The following GNAL variants were observed in gnomAD, a reference collection of about 807,000 sequenced individuals.
GNAL encodes guanine nucleotide-binding protein G(olf) subunit alpha.
Under a neutral mutation model 55.1 loss-of-function variants are expected in GNAL, and 18 were observed. The ratio of observed to expected loss-of-function variants is 0.33; its 90% CI spans 0.23 to 0.48. The LOEUF (loss-of-function observed/expected upper bound fraction) is 0.48. Among genes scored for constraint, GNAL ranks in the 20% least tolerant of loss-of-function variants. GNAL has a pLI of 0.99. For missense variants in GNAL, 412 were observed against 614.1 expected, an observed-to-expected ratio of 0.67 and a Z score of 3.48; for synonymous variants, 253 against 237.0, an observed-to-expected ratio of 1.07 and a Z score of -0.62.
intron 5 of GNAL, among the ~76,000 whole-genome samples, chr18:11,836,677 CA>C (rs1355208957): frequency 6.6e-6 from 1 of 152,158 alleles, no homozygotes; most frequent in African/African-American, 2.4e-5. Context: ...TAAGACTACA[CA>C]ATACCAACTA....
At chr18:11,821,159 G>A (rs977806338) in intron 4 of GNAL, among the ~76,000 whole-genome samples, 4 of 152,156 alleles carry the variant, frequency 2.6e-5, no homozygotes, top group African/African-American at 9.7e-5. Flanking sequence ...CAGACCTGTG[G>A]GAATCCTCAT....
chr18:11,695,367 C>T (rs757554082), intron 1 of GNAL, among the ~76,000 whole-genome samples: 130 of 152,202 alleles, frequency 8.5e-4, no homozygotes, highest in Non-Finnish European at 1.4e-3. Flanking sequence ...ACTAGGCTTT[C>T]GGGGCTCACG....
intron 5 of GNAL, among the ~76,000 whole-genome samples, chr18:11,832,035 C>G (rs1015628856): frequency 6.6e-6 from 1 of 152,180 alleles, no homozygotes; most frequent in South Asian, 2.1e-4. Flanking sequence ...TTTCCCAGTT[C>G]CTACTGTGAA....
At chr18:11,720,282 T>A (rs1325158867) in intron 1 of GNAL, among the ~76,000 whole-genome samples, 1 of 152,248 alleles carries the variant, frequency 6.6e-6, no homozygotes, top group African/African-American at 2.4e-5. Context: ...ACCAAATTTT[T>A]ATTAATGAAA....
chr18:11,760,582 G>A (rs1016994811), intron 4 of GNAL, among the ~76,000 whole-genome samples: 1 of 152,110 alleles, frequency 6.6e-6, no homozygotes, highest in African/African-American at 2.4e-5. Flanking sequence ...CCCACTTAAG[G>A]TCTCACTGCC....
chr18:11,808,662 G>A (rs969175727), intron 4 of GNAL, among the ~76,000 whole-genome samples: 8 of 152,114 alleles, frequency 5.3e-5, no homozygotes, highest in South Asian at 2.1e-4. Flanking sequence ...GTATCCAAAC[G>A]GAATGAAAAC....
intron 1 of GNAL, among the ~76,000 whole-genome samples, chr18:11,725,176 G>A (rs566036223): frequency 2.0e-5 from 3 of 152,172 alleles, no homozygotes; most frequent in African/African-American, 7.2e-5. Flanking sequence ...GTCCTAACCC[G>A]CAGCCTCTCA....
In GNAL at chr18:11,753,685, A is replaced by G; in HGVS notation, c.504+3A>G. ...AAAATGTTAAAGATGCTATCGTGGT[A>G]AGGACTTTTTTAAATGATTGTTTAC... On this transcript the variant is annotated splice_donor_region_variant and intron_variant, in intron 3 of 11. Transcript: ENST00000334049. 6.3e-7 allele frequency: 1 copy of G among 1,588,234 alleles called. No individual in the cohort carries two copies. The highest frequency in any genetic ancestry group is 8.6e-7 in the Non-Finnish European group (1 of 1,156,460).
intron 5 of GNAL, chr18:11,853,411 T>C (rs542645541): frequency 4.2e-5 from 7 of 167,232 alleles, no homozygotes; most frequent in African/African-American, 1.7e-4. Flanking sequence ...CCTCGAAACA[T>C]GGAGAAAAGC....
intron 1 of GNAL, among the ~76,000 whole-genome samples, chr18:11,692,436 C>T (rs1174062170): frequency 6.6e-6 from 1 of 152,186 alleles, no homozygotes; most frequent in African/African-American, 2.4e-5. Flanking sequence ...GCAGAGCTCT[C>T]CCCTCCAGTG....
Position 11,884,397 on chromosome 18 carries a change from C to G in GNAL, c.*3262C>G, listed in dbSNP as rs150371760. ...CACTTGATTCTAACATGATCTCTGC[C>G]CAAAGTTCCATTTCTTGGGCTTTGA... is the stretch of plus-strand genomic sequence containing the variant. On this transcript the variant is annotated 3_prime_UTR_variant, in exon 12 of 12. Coordinates refer to ENST00000334049, the MANE Select transcript of GNAL (RefSeq NM_182978.4). The G allele has an allele frequency of 7.7e-4, 1,222 of 1,582,392 alleles. 7 individuals are homozygous for G. The African/African-American group carries it at 0.015, about 19-fold the overall frequency.
chr18:11,820,360 A>T (rs1257218657), intron 4 of GNAL, among the ~76,000 whole-genome samples: 1 of 152,202 alleles, frequency 6.6e-6, no homozygotes, highest in African/African-American at 2.4e-5. Context: ...ATTATACCTT[A>T]AGAAGCTTCA....
chr18:11,884,800 C>T lies in GNAL; in HGVS notation c.*3665C>T. On this transcript the variant is annotated 3_prime_UTR_variant, in exon 12 of 12. Coordinates refer to ENST00000334049, the MANE Select transcript of GNAL (RefSeq NM_182978.4). Reference sequence around the variant, plus strand: ...CCAGCCTTCTCCCTGCACAGCTCACCCCCGACCAGCCCAGGCTCCAGCAGG... The same window carrying T: ...CCAGCCTTCTCCCTGCACAGCTCACTCCCGACCAGCCCAGGCTCCAGCAGG... 1 of 1,383,362 alleles carries T rather than the reference C, an allele frequency of 7.2e-7. No individual in the cohort carries two copies. The highest frequency in any genetic ancestry group is 1.5e-5 in the South Asian group (1 of 65,672). 85.7% of individuals were successfully genotyped at this position (1,383,362 alleles called of 1,614,324 possible). A position where few individuals can be genotyped will look rare whatever the true frequency, so the allele number is the denominator to read the frequency against.
intron 5 of GNAL, among the ~76,000 whole-genome samples, chr18:11,844,470 G>A (rs1182115719): frequency 2.0e-5 from 3 of 152,110 alleles, no homozygotes; most frequent in Admixed American, 2.0e-4. Context: ...AGGATACATG[G>A]TTCCTGGAAC....
chr18:11,704,890 G>A (rs1392438194), intron 1 of GNAL, among the ~76,000 whole-genome samples: 1 of 151,994 alleles, frequency 6.6e-6, no homozygotes, highest in Admixed American at 6.6e-5. Context: ...GTATACACCT[G>A]AGAGCATATC....
chr18:11,822,308 A>G (rs2035119040), intron 4 of GNAL, among the ~76,000 whole-genome samples: 2 of 152,132 alleles, frequency 1.3e-5, no homozygotes, highest in South Asian at 4.1e-4. Flanking sequence ...AAACAAACAA[A>G]CGAACAAACA....
chr18:11,836,896 G>T (rs1458470304), intron 5 of GNAL, among the ~76,000 whole-genome samples: 1 of 152,214 alleles, frequency 6.6e-6, no homozygotes, highest in Non-Finnish European at 1.5e-5. Context: ...TGAAGGAACT[G>T]TCATCAACTT....
chr18:11,856,539 CA>C (rs1478411681), intron 5 of GNAL, among the ~76,000 whole-genome samples: 1 of 151,354 alleles, frequency 6.6e-6, no homozygotes, highest in Non-Finnish European at 1.5e-5. Flanking sequence ...AGCATTTGTC[CA>C]CAATGAAATG....
chr18:11,808,086 C>G (rs928615522), intron 4 of GNAL, among the ~76,000 whole-genome samples: 41 of 151,696 alleles, frequency 2.7e-4, no homozygotes, highest in African/African-American at 9.7e-4. Flanking sequence ...GTCTTCTTAC[C>G]CATTCCAGGA....
Sources: gnomAD v4.1 joint callset for allele counts (sites outside exome capture counted in the v4.1 genomes callset) on GRCh38, gnomAD v4.1.1 for gene constraint, MANE v1.5 for transcripts, NCBI Gene and HGNC (gene_info 2026-07-23, HGNC 2026-07-21) for gene names.